The following RTL4 variants were observed in gnomAD, a reference collection of about 807,000 sequenced individuals.
The protein encoded by RTL4 is retrotransposon Gag-like protein 4.
RTL4 carries 4 observed loss-of-function variants against 5.3 expected under a neutral mutation model. That is an observed-to-expected ratio of 0.75 (90% CI 0.37 to 1.72). The LOEUF is 1.72. RTL4 is among the 40% of genes most tolerant of loss of function. RTL4 has a pLI of 0.04. For synonymous variants in RTL4, 98 were observed against 87.3 expected (o/e 1.12, Z -0.68); for missense variants, 260 against 227.1 (o/e 1.14, Z -0.93).
At chrX:112,335,348 G>A in the RTL4 span, among the ~76,000 whole-genome samples, 1 of 110,683 alleles carries the variant, frequency 9.0e-6, no homozygotes, top group East Asian at 2.8e-4. Flanking sequence ...AACATAAAAG[G>A]TCATCCTCTC....
the RTL4 span, among the ~76,000 whole-genome samples, chrX:112,447,224 C>T: frequency 1.8e-5 from 2 of 111,927 alleles, no homozygotes; most frequent in South Asian, 7.5e-4. Context: ...AACATGGTTT[C>T]TCAGATAGAA....
chrX:112,115,377 C>A, the RTL4 span, among the ~76,000 whole-genome samples: 1 of 111,447 alleles, frequency 9.0e-6, no homozygotes, highest in South Asian at 3.8e-4. Context: ...TGTTAGAGTC[C>A]TAAGCATTTT....
chrX:112,244,825 G>T, the RTL4 span, among the ~76,000 whole-genome samples: 1 of 111,591 alleles, frequency 9.0e-6, no homozygotes. Flanking sequence ...TTTTGCAGTG[G>T]TTGGTACCAG....
At chrX:112,447,364 T>C in the RTL4 span, among the ~76,000 whole-genome samples, 21,835 of 111,519 alleles carry the variant, frequency 0.2, 1,776 homozygotes, top group Middle Eastern at 0.26. Context: ...TGTAAATACA[T>C]ATAGTGTCTT....
the RTL4 span, among the ~76,000 whole-genome samples, chrX:112,106,219 T>C: frequency 2.7e-5 from 3 of 112,189 alleles, no homozygotes; most frequent in Non-Finnish European, 5.7e-5. Context: ...CTGGGATGAA[T>C]CTCACTTGAT....
chrX:112,324,784 A>G, the RTL4 span, among the ~76,000 whole-genome samples: 1 of 111,515 alleles, frequency 9.0e-6, no homozygotes, highest in Non-Finnish European at 1.9e-5. Context: ...GGTCTATCTT[A>G]TAGAATGTTC....
At chrX:112,449,245 C>A in the RTL4 span, among the ~76,000 whole-genome samples, 3 of 111,144 alleles carry the variant, frequency 2.7e-5, no homozygotes, top group Non-Finnish European at 5.7e-5. Flanking sequence ...ACCCACAGAG[C>A]CCTAAGAGCA....
the RTL4 span, among the ~76,000 whole-genome samples, chrX:112,094,466 A>G: frequency 1.8e-5 from 2 of 110,938 alleles, no homozygotes; most frequent in Non-Finnish European, 3.8e-5. Context: ...TAAGTCTGGA[A>G]TGCAGAAGAG....
At chrX:112,261,793 T>C in the RTL4 span, among the ~76,000 whole-genome samples, 1 of 111,851 alleles carries the variant, frequency 8.9e-6, no homozygotes, top group South Asian at 3.7e-4. Context: ...CTTCAAACTA[T>C]ATTAAAAGGC....
the RTL4 span, among the ~76,000 whole-genome samples, chrX:112,371,371 C>T: frequency 9.0e-6 from 1 of 111,374 alleles, no homozygotes; most frequent in Non-Finnish European, 1.9e-5. Flanking sequence ...TCTATCCTCT[C>T]ATTACTGTTA....
chrX:112,393,161 GTTTTT>G, the RTL4 span, among the ~76,000 whole-genome samples: 2 of 71,328 alleles, frequency 2.8e-5, no homozygotes, highest in African/African-American at 1.0e-4. Context: ...TTTTTTTTTT[GTTTTT>G]TTTTTTTGTT....
the RTL4 span, among the ~76,000 whole-genome samples, chrX:112,173,393 T>A: frequency 1.8e-5 from 2 of 111,495 alleles, no homozygotes; most frequent in Non-Finnish European, 3.8e-5. Flanking sequence ...CATTCTCATC[T>A]GGGTCCTAAT....
At chrX:112,083,574 A>T in the RTL4 span, among the ~76,000 whole-genome samples, 2 of 111,256 alleles carry the variant, frequency 1.8e-5, no homozygotes, top group African/African-American at 6.5e-5. Context: ...CATAGGGTCG[A>T]TCTCCCAAGA....
At chrX:112,232,853 G>A in the RTL4 span, among the ~76,000 whole-genome samples, 1 of 110,806 alleles carries the variant, frequency 9.0e-6, no homozygotes, top group Non-Finnish European at 1.9e-5. Flanking sequence ...CCCACCCCAA[G>A]CCCCAGCTTC....
the RTL4 span, among the ~76,000 whole-genome samples, chrX:112,183,417 C>A: frequency 3.6e-5 from 4 of 111,517 alleles, no homozygotes; most frequent in East Asian, 1.1e-3. Context: ...TTCAGGAGAA[C>A]GATCTCGTGC....
chrX:112,323,956 T>A, the RTL4 span, among the ~76,000 whole-genome samples: 1 of 112,244 alleles, frequency 8.9e-6, no homozygotes, highest in Non-Finnish European at 1.9e-5. Context: ...ACCAGAAAAT[T>A]CACTCGTTTA....
chrX:112,234,128 G>A, the RTL4 span, among the ~76,000 whole-genome samples: 1 of 110,982 alleles, frequency 9.0e-6, no homozygotes, highest in Non-Finnish European at 1.9e-5. Flanking sequence ...GGAGGCGGAA[G>A]TTGCAGTGAG....
upstream of RTL4, among the ~76,000 whole-genome samples, chrX:112,454,229 A>T (rs1263350088): frequency 8.9e-6 from 1 of 111,935 alleles, no homozygotes; most frequent in Non-Finnish European, 1.9e-5. Context: ...TAATGAGCTT[A>T]AAAAAACAAT....
chrX:112,428,990 A>G, the RTL4 span, among the ~76,000 whole-genome samples: 3 of 111,942 alleles, frequency 2.7e-5, no homozygotes, highest in African/African-American at 9.7e-5. Flanking sequence ...TGAGTGCTAG[A>G]ATGGTATGTC....
Sources: gnomAD v4.1 joint callset for allele counts (sites outside exome capture counted in the v4.1 genomes callset) on GRCh38, gnomAD v4.1.1 for gene constraint, MANE v1.5 for transcripts, NCBI Gene and HGNC (gene_info 2026-07-23, HGNC 2026-07-21) for gene names.